CDC42BPA: variants seen among roughly 807,000 people sequenced by gnomAD.
CDC42BPA encodes the protein serine/threonine-protein kinase MRCK alpha.
Under a neutral mutation model 223.5 loss-of-function variants are expected in CDC42BPA, and 80 were observed. The observed-to-expected ratio is 0.36, with a 90% confidence interval of 0.30 to 0.43. CDC42BPA has a LOEUF of 0.43. Among genes scored for constraint, CDC42BPA ranks in the 20% least tolerant of loss-of-function variants. The pLI is 1.00. For synonymous variants in CDC42BPA, 694 were observed against 718.6 expected, an observed-to-expected ratio of 0.97 and a Z score of 0.55; for missense variants, 1,743 against 2,099.9, an observed-to-expected ratio of 0.83 and a Z score of 3.32.
intron 12 of CDC42BPA, among the ~76,000 whole-genome samples, chr1:227,113,756 T>TA (rs1687312744): frequency 6.6e-6 from 1 of 151,710 alleles, no homozygotes; most frequent in South Asian, 2.1e-4. Flanking sequence ...CTCTCATCTA[T>TA]AATCCCAGCA....
chr1:226,994,761 T>G lies in CDC42BPA; in HGVS notation c.5133+62A>C. 1 of 1,494,660 alleles carries G rather than the reference T, an allele frequency of 6.7e-7. No homozygotes were observed. The highest frequency in any genetic ancestry group is 1.3e-5 in the South Asian group (1 of 77,686). The allele number at this position is 1,494,660 out of a possible 1,614,324, so 92.6% of individuals were successfully genotyped here. ...TGAGGCCAATCCCAAGGTGGTGGGA[T>G]TGCCTGGGAAGATGCCCTAGTCTTT... is the stretch of plus-strand genomic sequence containing the variant. On this transcript the variant is annotated intron_variant, in intron 36 of 36. Transcript: ENST00000366766. The surrounding 1 kb of genome is among the most constrained non-coding windows in gnomAD (Gnocchi z 4.0).
intron 14 of CDC42BPA, among the ~76,000 whole-genome samples, chr1:227,109,050 T>C (rs189188369): frequency 2.6e-5 from 4 of 152,170 alleles, no homozygotes; most frequent in South Asian, 2.1e-4. Flanking sequence ...CATATAAATA[T>C]GGTATAAAAG....
intron 1 of CDC42BPA, among the ~76,000 whole-genome samples, chr1:227,270,061 T>C (rs1015733924): frequency 1.3e-5 from 2 of 152,102 alleles, no homozygotes; most frequent in African/African-American, 2.4e-5. Flanking sequence ...TTACGGGATA[T>C]CCATGCCACA....
chr1:227,074,422 T>G, intron 17 of CDC42BPA, 58 bp from the exon 18 acceptor site: 1 of 1,229,148 alleles, frequency 8.1e-7, no homozygotes, highest in Non-Finnish European at 1.2e-6. Flanking sequence ...GTGCAATATA[T>G]GTTATTTTAA....
chr1:227,243,865 C>T (rs547140391), intron 2 of CDC42BPA, among the ~76,000 whole-genome samples: 58 of 152,038 alleles, frequency 3.8e-4, no homozygotes, highest in Admixed American at 1.4e-3. Context: ...CCATGCAACT[C>T]CTACTTACCC....
At chr1:227,214,240 T>G (rs1437334313) in intron 2 of CDC42BPA, among the ~76,000 whole-genome samples, 2 of 151,750 alleles carry the variant, frequency 1.3e-5, no homozygotes, top group Non-Finnish European at 2.9e-5. Context: ...ATAGCAAATG[T>G]GCATATCAAG....
chr1:227,218,131 C>T (rs976033763), intron 2 of CDC42BPA, among the ~76,000 whole-genome samples: 1 of 152,080 alleles, frequency 6.6e-6, no homozygotes, highest in Non-Finnish European at 1.5e-5. Flanking sequence ...GCAAAGTTTA[C>T]AGCATCAATA....
intron 3 of CDC42BPA, among the ~76,000 whole-genome samples, chr1:227,202,551 T>C (rs1235807204): frequency 9.2e-5 from 14 of 152,182 alleles, no homozygotes; most frequent in African/African-American, 3.4e-4. Flanking sequence ...CTCCAAAGAC[T>C]TTAGTCAACA....
intron 1 of CDC42BPA, among the ~76,000 whole-genome samples, chr1:227,272,472 G>T (rs1376822721): frequency 6.6e-6 from 1 of 152,068 alleles, no homozygotes; most frequent in Non-Finnish European, 1.5e-5. Flanking sequence ...AATACAAATG[G>T]GGGAAATATA....
At chr1:227,169,297 T>A (rs1266574751) in intron 5 of CDC42BPA, among the ~76,000 whole-genome samples, 4 of 152,198 alleles carry the variant, frequency 2.6e-5, no homozygotes, top group African/African-American at 9.6e-5. Context: ...AGGAGTTACA[T>A]ACTCCTTTTT....
intron 5 of CDC42BPA, chr1:227,180,460 A>T (rs1046308787): frequency 6.6e-6 from 1 of 152,220 alleles, no homozygotes; most frequent in Non-Finnish European, 1.5e-5. Context: ...CCAATACGCC[A>T]ACCAGCAATG....
intron 32 of CDC42BPA, among the ~76,000 whole-genome samples, chr1:227,020,017 C>T (rs1008789169): frequency 5.9e-5 from 9 of 152,172 alleles, no homozygotes; most frequent in Non-Finnish European, 1.3e-4. Context: ...CTGCCTCAGC[C>T]TCCCAAGTAG....
intron 3 of CDC42BPA, among the ~76,000 whole-genome samples, chr1:227,204,979 C>A (rs1249281002): frequency 6.6e-6 from 1 of 151,954 alleles, no homozygotes; most frequent in Admixed American, 6.6e-5. Flanking sequence ...GCCATTCAGG[C>A]CGGGCACAGT....
chr1:227,284,751 A>T (rs1168723513), intron 1 of CDC42BPA, among the ~76,000 whole-genome samples: 1 of 152,096 alleles, frequency 6.6e-6, no homozygotes, highest in African/African-American at 2.4e-5. Flanking sequence ...ACTTGAGCTC[A>T]GGACTTCGAG....
chr1:227,147,753 C>G (rs1488767253), intron 6 of CDC42BPA, among the ~76,000 whole-genome samples, 194 bp from the exon 7 acceptor site: 1 of 151,972 alleles, frequency 6.6e-6, no homozygotes, highest in South Asian at 2.1e-4. Flanking sequence ...TTTCATAACA[C>G]TATAGAACTT....
intron 2 of CDC42BPA, among the ~76,000 whole-genome samples, chr1:227,215,785 A>C (rs1012860371): frequency 6.6e-6 from 1 of 152,178 alleles, no homozygotes; most frequent in Non-Finnish European, 1.5e-5. Flanking sequence ...AAAATCTTTC[A>C]TCTCTTTAAT....
In CDC42BPA at chr1:227,259,190, A is replaced by C. The variant is rs985622774; in HGVS notation, c.179-5035T>G. Among the ~76,000 whole-genome samples, 17 of 150,902 alleles carry C rather than the reference A, an allele frequency of 1.1e-4. 1 individual carries two copies. The highest frequency in any genetic ancestry group is 4.2e-4 in the African/African-American group (17 of 40,214). On this transcript the variant is annotated intron_variant, in intron 1 of 36. Coordinates refer to ENST00000366766, the MANE Select transcript of CDC42BPA (RefSeq NM_001394014.1). Reference sequence around the variant, plus strand: ...CAGTTCTCAGGGGTGGGCCAAGTGCATATTGTGAGGCCCCATTTAACTGGC... The same window carrying C: ...CAGTTCTCAGGGGTGGGCCAAGTGCCTATTGTGAGGCCCCATTTAACTGGC...
chr1:227,129,235 T>A lies in CDC42BPA; in HGVS notation c.1391-4A>T. On this transcript the variant is annotated splice_region_variant and splice_polypyrimidine_tract_variant and intron_variant, in intron 10 of 36. Transcript: ENST00000366766. ...GCTTGGACAGTCTGTGTTGACTCTT[T>A]AAAAAAAAGGATAAAAGAAATAAAA... 1.7e-5 allele frequency: 26 copies of A among 1,534,094 alleles called. No individual in the cohort carries two copies. The highest frequency in any genetic ancestry group is 4.5e-5 in the Admixed American group (2 of 44,002).
chr1:227,140,559 C>A (rs1659489458), intron 9 of CDC42BPA, among the ~76,000 whole-genome samples: 1 of 151,656 alleles, frequency 6.6e-6, no homozygotes, highest in South Asian at 2.1e-4. Context: ...AGAAAGGAGG[C>A]CTGTGTGGAT....
Sources: gnomAD v4.1 joint callset for allele counts (sites outside exome capture counted in the v4.1 genomes callset) on GRCh38, gnomAD v4.1.1 for gene constraint, Gnocchi (gnomAD v3.1) non-coding constraint, MANE v1.5 for transcripts, NCBI Gene and HGNC (gene_info 2026-07-23, HGNC 2026-07-21) for gene names.